Variants in FBXO7 observed in about 807,000 individuals in gnomAD.
FBXO7 encodes the protein F-box only protein 7.
FBXO7 carries 31 observed loss-of-function variants against 50.2 expected under a neutral mutation model. The observed-to-expected ratio is 0.62, with a 90% confidence interval of 0.46 to 0.83. The LOEUF is 0.83. Among genes scored for constraint, FBXO7 ranks in the 40% least tolerant of loss-of-function variants. FBXO7 has a pLI of 0.00. For missense variants in FBXO7, 667 were observed against 646.6 expected, an observed-to-expected ratio of 1.03 and a Z score of -0.34; for synonymous variants, 256 against 253.1, an observed-to-expected ratio of 1.01 and a Z score of -0.11.
rs138454901 is a variant in FBXO7 at position 32,495,418 on chromosome 22, A to T, written c.1145-75A>T. On this transcript the variant is annotated intron_variant, in intron 7 of 8. Transcript: ENST00000266087. Reference sequence around the variant, plus strand: ...GGGTAAGTTTCACTTTTCTTAGGAGAAAAACAAAACCCACTGTTTAATGCA... The same window carrying T: ...GGGTAAGTTTCACTTTTCTTAGGAGTAAAACAAAACCCACTGTTTAATGCA... 1,149 of 1,018,336 alleles carry T rather than the reference A, an allele frequency of 1.1e-3. 5 individuals are homozygous for T. In the African/African-American group the frequency reaches 0.015, roughly 14 times the overall value. The allele number at this position is 1,018,336 out of a possible 1,614,324, so 63.1% of individuals were successfully genotyped here. A position where few individuals can be genotyped will look rare whatever the true frequency, so the allele number is the denominator to read the frequency against.
chr22:32,486,070 G>A (rs1479126943), intron 4 of FBXO7, among the ~76,000 whole-genome samples: 5 of 152,104 alleles, frequency 3.3e-5, no homozygotes, highest in Non-Finnish European at 7.4e-5. Context: ...TAAGCCTTAG[G>A]TCAAAGGTTT....
rs1308131684 is a variant in FBXO7, at chr22:32,474,928, C to T, written c.-75C>T. 2.8e-6 allele frequency: 4 copies of T among 1,406,238 alleles called. No individual in the cohort carries two copies. Among genetic ancestry groups the T allele is most frequent in the Admixed American group, 4.7e-5 (2 of 42,264 alleles). The allele number at this position is 1,406,238 out of a possible 1,614,324, so 87.1% of individuals were successfully genotyped here. A position where few individuals can be genotyped will look rare whatever the true frequency, so the allele number is the denominator to read the frequency against. The stretch of plus-strand genomic sequence containing the variant: ...AGTCCGGGGTCGTCGCCGTTTGGGG[C>T]GGGAGCTGCTCGGCCCCGCCGCCGT... On this transcript the variant is annotated 5_prime_UTR_variant, in exon 1 of 9. Transcript: ENST00000266087.
chr22:32,475,157 G>C, intron 1 of FBXO7, 33 bp downstream of exon 1: 2 of 1,532,912 alleles, frequency 1.3e-6, no homozygotes, highest in Non-Finnish European at 1.8e-6. Flanking sequence ...CGGCCCGCGG[G>C]GAGTGGGGAG....
At chr22:32,478,363 A>T (rs2057441811) in intron 1 of FBXO7, among the ~76,000 whole-genome samples, 1 of 152,196 alleles carries the variant, frequency 6.6e-6, no homozygotes, top group East Asian at 1.9e-4. Context: ...GCAGGGGAAA[A>T]TGCTGTCAAT....
In FBXO7 at chr22:32,498,484, GA is replaced by G. The variant is rs1252797420; in HGVS notation, c.1524del (p.Arg508SerfsTer17). On this transcript the variant is annotated frameshift_variant, in exon 9 of 9. Coordinates refer to ENST00000266087, the MANE Select transcript of FBXO7 (RefSeq NM_012179.4). LOFTEE classifies it high-confidence loss of function. ...GGCCCCAATGACAGATTTCCCTTTAGACCCAGCAGGGGTCGGCCAACTGATG... is the reference window on the plus strand; with the variant it reads ...GGCCCCAATGACAGATTTCCCTTTAGCCCAGCAGGGGTCGGCCAACTGATG... ...RGGPNDRFPFRPSRGRPTDGR... is the reference protein window; with the variant it reads ...RGGPNDRFPFXPSRGRPTDGR... 4 of 1,614,088 alleles carry G rather than the reference GA, an allele frequency of 2.5e-6. No homozygotes were observed. The Admixed American group carries it at 6.7e-5, about 27-fold the overall frequency.
chr22:32,475,709 C>T (rs2057423797), intron 1 of FBXO7: 1 of 334,598 alleles, frequency 3.0e-6, no homozygotes, highest in South Asian at 6.1e-5. Context: ...AGCGCTTGGA[C>T]TTCGCCGCCG....
chr22:32,488,675 T>C (rs910452568), intron 5 of FBXO7: 1 of 152,236 alleles, frequency 6.6e-6, no homozygotes, highest in Non-Finnish European at 1.5e-5. Context: ...TAAAGGCTTA[T>C]TCTTGTTCAT....
chr22:32,478,585 T>C (rs1211661387), intron 1 of FBXO7, among the ~76,000 whole-genome samples: 1 of 152,196 alleles, frequency 6.6e-6, no homozygotes, highest in Non-Finnish European at 1.5e-5. Flanking sequence ...CTTGATAGGG[T>C]AATGCGTGCC....
In FBXO7 at chr22:32,476,244, T is replaced by C. The variant is rs1389384683; in HGVS notation, c.122+1120T>C. Among the ~76,000 whole-genome samples the C allele has an allele frequency of 5.9e-5, 9 of 152,148 alleles. No individual in the cohort carries two copies. The East Asian group carries it at 1.7e-3, about 29-fold the overall frequency. On this transcript the variant is annotated intron_variant, in intron 1 of 8. Coordinates refer to ENST00000266087, the MANE Select transcript of FBXO7 (RefSeq NM_012179.4). The stretch of plus-strand genomic sequence containing the variant: ...AAATAAGATACTGACATAACTCCTT[T>C]TAAACATTATAGTAAGTGACATGCC...
chr22:32,491,368 T>C, intron 6 of FBXO7, 187 bp downstream of exon 6: 2 of 548,872 alleles, frequency 3.6e-6, no homozygotes, highest in South Asian at 4.3e-5. Flanking sequence ...TGCCATTTTG[T>C]ACATATTTTT....
At chr22:32,485,337 T>G in intron 4 of FBXO7, 128 bp downstream of exon 4, 1 of 1,193,312 alleles carries the variant, frequency 8.4e-7, no homozygotes, top group Admixed American at 1.8e-5. Context: ...CTGTATTTAA[T>G]TCCTAGGCCA....
chr22:32,495,675 T>C (rs1424458062), intron 8 of FBXO7, 145 bp downstream of exon 8: 5 of 456,416 alleles, frequency 1.1e-5, no homozygotes, highest in Non-Finnish European at 1.5e-5. Context: ...GAAAATGTTT[T>C]CAACTTTTAC....
chr22:32,474,892 C>T lies in FBXO7; in HGVS notation c.-111C>T. On this transcript the variant is annotated 5_prime_UTR_variant, in exon 1 of 9. Transcript: ENST00000266087. Reference sequence around the variant, plus strand: ...TTTCGCCTCAGCTACCCCTCAGCTCCGGTAGTCGCCAGTCCGGGGTCGTCG... The same window carrying T: ...TTTCGCCTCAGCTACCCCTCAGCTCTGGTAGTCGCCAGTCCGGGGTCGTCG... 1 of 1,093,882 alleles carries T rather than the reference C, an allele frequency of 9.1e-7. No individual in the cohort carries two copies. The highest frequency in any genetic ancestry group is 1.3e-6 in the Non-Finnish European group (1 of 790,754). 67.8% of individuals were successfully genotyped at this position (1,093,882 alleles called of 1,614,324 possible). A position where few individuals can be genotyped will look rare whatever the true frequency, so the allele number is the denominator to read the frequency against.
chr22:32,484,489 C>T (rs551019823), intron 3 of FBXO7, among the ~76,000 whole-genome samples: 55 of 152,208 alleles, frequency 3.6e-4, no homozygotes, highest in African/African-American at 1.3e-3. Flanking sequence ...CAGAGTAGTT[C>T]GGTGATCAGT....
Position 32,485,115 on chromosome 22 carries a change from C to T in FBXO7, c.693C>T (p.Ser231=), listed in dbSNP as rs61752254. Residue 231 remains serine, a synonymous_variant, in exon 4 of 9, where the codon AGC becomes AGT. Transcript: ENST00000266087. ...ALSMPEKWKL[S]GVYKLQYMHP... is the part of the protein sequence containing the mutation. The stretch of plus-strand genomic sequence containing the variant: ...CCATGCCGGAGAAGTGGAAGTTGAG[C>T]GGGGTGTATAAGCTGCAGTACATGC... The T allele has an allele frequency of 4.4e-3, 7,121 of 1,614,128 alleles. 13 individuals are homozygous for T. Among genetic ancestry groups the T allele is most frequent in the Non-Finnish European group, 5.5e-3 (6,470 of 1,180,010 alleles).
chr22:32,479,121 C>G lies in FBXO7; in HGVS notation c.263C>G (p.Pro88Arg). The change falls in exon 2 of 9, where the codon CCT (proline) becomes CGT (arginine). Residue 88 changes from proline to arginine, a missense_variant. By Grantham distance (103) the Pro-to-Arg change is moderately radical. Transcript: ENST00000266087. Reference protein sequence around the residue: ...LQDDIPAPNIPSSTDSEHSSL... With the variant: ...LQDDIPAPNIRSSTDSEHSSL... ...GATGACATTCCAGCGCCTAATATAC[C>G]TTCATCCACAGATTCAGAGCATTCT... 1.2e-6 allele frequency: 2 copies of G among 1,614,118 alleles called. No homozygotes were observed. The highest frequency in any genetic ancestry group is 1.7e-6 in the Non-Finnish European group (2 of 1,180,028).
chr22:32,474,903 A>G lies in FBXO7; in HGVS notation c.-100A>G, dbSNP rs886292968. The G allele has an allele frequency of 4.9e-6, 6 of 1,212,614 alleles. No homozygotes were observed. The Admixed American group carries it at 1.6e-4, about 33-fold the overall frequency. 75.1% of individuals were successfully genotyped at this position (1,212,614 alleles called of 1,614,324 possible). ...CTACCCCTCAGCTCCGGTAGTCGCC[A>G]GTCCGGGGTCGTCGCCGTTTGGGGC... On this transcript the variant is annotated 5_prime_UTR_variant, in exon 1 of 9. Transcript: ENST00000266087.
At position 32,487,709 on chromosome 22, in the gene FBXO7, A is replaced by G. The variant is rs370101696; in HGVS notation, c.788-36A>G. 2.2e-6 allele frequency: 3 copies of G among 1,375,448 alleles called. No homozygotes were observed. The East Asian group carries it at 6.9e-5, about 32-fold the overall frequency. 85.2% of individuals were successfully genotyped at this position (1,375,448 alleles called of 1,614,324 possible). ...AAAGAAAGGCAGTTGATGAAGTGAC[A>G]GAATTCTTTATCATCTTTCTTTTGT... On this transcript the variant is annotated intron_variant, in intron 4 of 8. Transcript: ENST00000266087.
Position 32,479,181 on chromosome 22 carries a change from C to G in FBXO7, c.323C>G (p.Thr108Ser). The G allele has an allele frequency of 5.6e-6, 9 of 1,614,090 alleles. No individual in the cohort carries two copies. Among genetic ancestry groups the G allele is most frequent in the Non-Finnish European group, 7.6e-6 (9 of 1,180,032 alleles). The change falls in exon 2 of 9, where the codon ACC becomes AGC. Residue 108 changes from threonine to serine, a missense_variant. Thr to Ser is a moderately conservative substitution (Grantham distance 58). Coordinates refer to ENST00000266087, the MANE Select transcript of FBXO7 (RefSeq NM_012179.4). The stretch of plus-strand genomic sequence containing the variant: ...AATAATGAGCAACCCTCTTTGGCCA[C>G]CAGCTCCAATCAGACTAGCATGCAG... ...LQNNEQPSLA[T>S]SSNQTSMQDE...
Sources: allele counts gnomAD v4.1 joint callset (sites outside exome capture counted in the v4.1 genomes callset), GRCh38; gene constraint gnomAD v4.1.1; transcripts MANE v1.5; gene names NCBI Gene and HGNC (gene_info 2026-07-23, HGNC 2026-07-21).